Variants in ADAM19 observed in about 807,000 individuals in gnomAD.
The protein encoded by ADAM19 is ADAM metallopeptidase domain 19.
Under a neutral mutation model 114.7 loss-of-function variants are expected in ADAM19, and 65 were observed. The ratio of observed to expected loss-of-function variants is 0.57; its 90% CI spans 0.46 to 0.70. The LOEUF (loss-of-function observed/expected upper bound fraction) is 0.70. ADAM19 is among the 30% of genes least tolerant of loss of function. The pLI is 0.00. For missense variants in ADAM19, 1,063 were observed against 1,204.7 expected (o/e 0.88, Z 1.74); for synonymous variants, 466 against 460.5 (o/e 1.01, Z -0.15).
chr5:157,553,067 T>C (rs923119223), intron 3 of ADAM19, among the ~76,000 whole-genome samples: 1 of 152,262 alleles, frequency 6.6e-6, no homozygotes, highest in East Asian at 1.9e-4. Context: ...GAGATGCAGA[T>C]AGTTAATGGG....
At chr5:157,493,879 C>G (rs1755258620) in intron 15 of ADAM19, among the ~76,000 whole-genome samples, 1 of 152,214 alleles carries the variant, frequency 6.6e-6, no homozygotes, top group African/African-American at 2.4e-5. Flanking sequence ...CAGTTTTTCT[C>G]TATTCATCTC....
intron 22 of ADAM19, 55 bp from the exon 23 acceptor site, chr5:157,481,057 G>T: frequency 1.2e-6 from 2 of 1,610,744 alleles, no homozygotes; most frequent in South Asian, 1.1e-5. Flanking sequence ...TGATCAATGG[G>T]ATCAAGGGGG....
intron 21 of ADAM19, among the ~76,000 whole-genome samples, chr5:157,484,715 A>T (rs1224588657): frequency 6.6e-6 from 1 of 152,168 alleles, no homozygotes. Flanking sequence ...CGCCCCCTTC[A>T]CCACCACCTT....
At chr5:157,542,577 G>A (rs887903095) in intron 3 of ADAM19, among the ~76,000 whole-genome samples, 11 of 152,340 alleles carry the variant, frequency 7.2e-5, no homozygotes, top group Admixed American at 4.6e-4. Context: ...TTGGGAGGCC[G>A]AGGCAGGTGG....
chr5:157,522,647 G>A (rs1014379807), intron 5 of ADAM19, among the ~76,000 whole-genome samples: 4 of 152,166 alleles, frequency 2.6e-5, no homozygotes, highest in East Asian at 1.9e-4. Flanking sequence ...TTAGCCAGGC[G>A]TACTGGCGGG....
intron 3 of ADAM19, among the ~76,000 whole-genome samples, chr5:157,558,004 C>G (rs1757413262): frequency 6.6e-6 from 1 of 152,170 alleles, no homozygotes; most frequent in African/African-American, 2.4e-5. Flanking sequence ...TCCATTTGTT[C>G]TGCAACTCCA....
Position 157,502,815 on chromosome 5 carries a change from A to G in ADAM19, c.1296T>C (p.Cys432=). The change falls in exon 12 of 23, where the codon TGT becomes TGC. Residue 432 remains cysteine, a synonymous_variant. Coordinates refer to ENST00000257527, the MANE Select transcript of ADAM19 (RefSeq NM_033274.5). ...TGTGACCCCTCACCTCTTCTTCTCC[A>G]CAGTCACACTCTTCCCCATCTTCCA... is the stretch of plus-strand genomic sequence containing the variant. ...GYLEDGEECD[C]GEEEECNNPC... is the part of the protein sequence containing the mutation. The G allele has an allele frequency of 6.2e-7, 1 of 1,613,796 alleles. No individual in the cohort carries two copies. The highest frequency in any genetic ancestry group is 8.5e-7 in the Non-Finnish European group (1 of 1,179,822).
intron 4 of ADAM19, among the ~76,000 whole-genome samples, chr5:157,534,459 C>T (rs1756709680): frequency 6.6e-6 from 1 of 152,144 alleles, no homozygotes; most frequent in Non-Finnish European, 1.5e-5. Flanking sequence ...CAGAGTGAGA[C>T]TGTGTCTCAA....
chr5:157,527,506 G>A (rs550553856), intron 5 of ADAM19, among the ~76,000 whole-genome samples: 6 of 152,200 alleles, frequency 3.9e-5, no homozygotes, highest in African/African-American at 7.2e-5. Context: ...CACCGCACCC[G>A]GCCAGAAACT....
At chr5:157,555,221 A>G (rs1757332987) in intron 3 of ADAM19, among the ~76,000 whole-genome samples, 1 of 152,210 alleles carries the variant, frequency 6.6e-6, no homozygotes, top group African/African-American at 2.4e-5. Context: ...AAATAGGGCT[A>G]ATATAGGAAT....
chr5:157,483,615 G>A (rs993333906), intron 21 of ADAM19, among the ~76,000 whole-genome samples: 1 of 151,042 alleles, frequency 6.6e-6, no homozygotes, highest in African/African-American at 2.4e-5. Context: ...AAGGGGAGGG[G>A]TGTGTTCCAG....
At chr5:157,554,363 C>T (rs539000408) in intron 3 of ADAM19, among the ~76,000 whole-genome samples, 23 of 152,304 alleles carry the variant, frequency 1.5e-4, no homozygotes, top group South Asian at 1.0e-3. Context: ...AAAAGAAAAC[C>T]GTGGACATCC....
chr5:157,529,735 G>T (rs927295531), intron 5 of ADAM19, among the ~76,000 whole-genome samples: 1 of 152,176 alleles, frequency 6.6e-6, no homozygotes, highest in African/African-American at 2.4e-5. Flanking sequence ...ACAACTGCAG[G>T]CATATATTCT....
chr5:157,555,567 C>T (rs1255539158), intron 3 of ADAM19, among the ~76,000 whole-genome samples: 4 of 152,160 alleles, frequency 2.6e-5, no homozygotes, highest in Non-Finnish European at 2.9e-5. Flanking sequence ...TTGTTCTGGA[C>T]GTTGCATTAG....
At chr5:157,531,069 C>T (rs542100194) in intron 4 of ADAM19, among the ~76,000 whole-genome samples, 186 bp from the exon 5 acceptor site, 6 of 152,082 alleles carry the variant, frequency 3.9e-5, no homozygotes, top group South Asian at 4.1e-4. Context: ...TCCTAGGAGA[C>T]GGGGCAGGGA....
intron 12 of ADAM19, among the ~76,000 whole-genome samples, chr5:157,500,654 G>T (rs1374240772): frequency 2.0e-5 from 3 of 152,114 alleles, no homozygotes; most frequent in Non-Finnish European, 2.9e-5. Context: ...CAACTCCTGG[G>T]TCTGTTTCCT....
chr5:157,564,919 G>A (rs1757613931), intron 2 of ADAM19, among the ~76,000 whole-genome samples: 1 of 152,100 alleles, frequency 6.6e-6, no homozygotes, highest in Admixed American at 6.5e-5. Context: ...CATAAATAAT[G>A]TATCACAGTG....
rs187163516 is a variant in ADAM19 at position 157,497,887 on chromosome 5, T to C, written c.1399-798A>G. 2.6e-5 allele frequency among the ~76,000 whole-genome samples: 4 copies of C among 152,324 alleles called. No homozygotes were observed. In the East Asian group the frequency reaches 7.7e-4, roughly 29 times the overall value. On this transcript the variant is annotated intron_variant, in intron 13 of 22. Transcript: ENST00000257527. ...AAAGAACCTAGGCTCAGAGAGTTAA[T>C]AGGTTGCCCCAAATCACACAACCAG...
At chr5:157,489,983 A>G (rs1022112500) in intron 19 of ADAM19, among the ~76,000 whole-genome samples, 1 of 152,242 alleles carries the variant, frequency 6.6e-6, no homozygotes, top group Non-Finnish European at 1.5e-5. Flanking sequence ...GTGAAACTCC[A>G]TCTCAAAAAT....
Sources: allele counts gnomAD v4.1 joint callset (sites outside exome capture counted in the v4.1 genomes callset), GRCh38; gene constraint gnomAD v4.1.1; transcripts MANE v1.5; gene names NCBI Gene and HGNC (gene_info 2026-07-23, HGNC 2026-07-21).